Variants in ACAP2 observed in about 807,000 individuals in gnomAD.
ACAP2 encodes ArfGAP with coiled-coil, ankyrin repeat and PH domains 2.
In ACAP2, 39 loss-of-function variants were observed where a neutral mutation model predicts 115.8. The observed-to-expected ratio is 0.34, with a 90% CI of 0.26 to 0.44. ACAP2 has a LOEUF of 0.44. ACAP2 is among the 20% of genes least tolerant of loss of function. ACAP2 has a pLI of 1.00. For missense variants in ACAP2, 662 were observed against 927.6 expected (o/e 0.71, Z 3.72); for synonymous variants, 289 against 315.8 (o/e 0.92, Z 0.90).
intron 1 of ACAP2, among the ~76,000 whole-genome samples, chr3:195,436,044 G>C (rs1715512503): frequency 6.6e-6 from 1 of 151,432 alleles, no homozygotes; most frequent in Non-Finnish European, 1.5e-5. Context: ...TATATTTATA[G>C]TCATTATGTC....
intron 4 of ACAP2, among the ~76,000 whole-genome samples, chr3:195,355,793 AT>A (rs1731924694): frequency 6.6e-6 from 1 of 152,204 alleles, no homozygotes; most frequent in African/African-American, 2.4e-5. Flanking sequence ...CATTATCCCC[AT>A]TTCCAGTTCT....
intron 1 of ACAP2, among the ~76,000 whole-genome samples, chr3:195,395,328 G>A (rs1486073440): frequency 1.3e-5 from 2 of 151,982 alleles, no homozygotes; most frequent in East Asian, 3.9e-4. Flanking sequence ...GCAAAACAGA[G>A]AATAAGTAAT....
At chr3:195,299,273 G>A (rs748525095) in intron 15 of ACAP2, among the ~76,000 whole-genome samples, 3 of 152,010 alleles carry the variant, frequency 2.0e-5, no homozygotes, top group Non-Finnish European at 4.4e-5. Context: ...AGGTGGTTAC[G>A]GATTTGGAAA....
intron 7 of ACAP2, among the ~76,000 whole-genome samples, chr3:195,333,606 A>C (rs1730315708): frequency 6.6e-6 from 1 of 152,240 alleles, no homozygotes; most frequent in Admixed American, 6.5e-5. Flanking sequence ...GAAATTTCCC[A>C]GTGGTTTAAC....
intron 10 of ACAP2, among the ~76,000 whole-genome samples, chr3:195,319,742 G>C (rs1221249935): frequency 6.6e-6 from 1 of 152,164 alleles, no homozygotes; most frequent in East Asian, 1.9e-4. Context: ...ACAGACAGAA[G>C]GGACTTGCCT....
intron 1 of ACAP2, among the ~76,000 whole-genome samples, chr3:195,423,033 A>T (rs1023588482): frequency 1.3e-5 from 2 of 152,230 alleles, no homozygotes; most frequent in Non-Finnish European, 2.9e-5. Context: ...AATTAGTCAT[A>T]AAGGACATAA....
intron 1 of ACAP2, among the ~76,000 whole-genome samples, chr3:195,396,068 T>C (rs1429893414): frequency 6.6e-6 from 1 of 151,930 alleles, no homozygotes. Context: ...CCAGCCAACA[T>C]GGTGAAACCC....
chr3:195,381,092 A>C (rs1180859683), intron 3 of ACAP2, 30 bp from the exon 4 acceptor site: 2 of 1,564,428 alleles, frequency 1.3e-6, no homozygotes, highest in African/African-American at 2.8e-5. Context: ...AGAAAACCAA[A>C]TCATTTATGA....
rs528407571 is a variant in ACAP2 at position 195,280,137 on chromosome 3, G to A, written c.2237-709C>T. 3.7e-4 allele frequency among the ~76,000 whole-genome samples: 56 copies of A among 152,202 alleles called. 1 individual carries two copies. The South Asian group carries it at 0.012, about 32-fold the overall frequency. Reference sequence around the variant, plus strand: ...GTTCAAGACCAGTCTGGGCAACATAGCGAGACTACATCTCTACAAAAATTA... The same window carrying A: ...GTTCAAGACCAGTCTGGGCAACATAACGAGACTACATCTCTACAAAAATTA... On this transcript the variant is annotated intron_variant, in intron 22 of 22. Transcript: ENST00000326793.
At chr3:195,304,977 C>A (rs921150415) in intron 13 of ACAP2, among the ~76,000 whole-genome samples, 3 of 152,156 alleles carry the variant, frequency 2.0e-5, no homozygotes, top group Non-Finnish European at 4.4e-5. Context: ...GTACTGATGC[C>A]CAACTCCATT....
At chr3:195,338,000 G>A (rs1316581243) in intron 6 of ACAP2, among the ~76,000 whole-genome samples, 1 of 145,604 alleles carries the variant, frequency 6.9e-6, no homozygotes, top group East Asian at 2.3e-4. Flanking sequence ...TGCACTGGCT[G>A]TTCTGTGCAC....
intron 4 of ACAP2, among the ~76,000 whole-genome samples, chr3:195,363,512 C>T (rs1345210383): frequency 1.3e-5 from 2 of 151,856 alleles, no homozygotes; most frequent in South Asian, 2.1e-4. Flanking sequence ...CGTGGTGGCA[C>T]GCACCTGTGG....
At chr3:195,302,265 C>A in intron 13 of ACAP2, 91 bp from the exon 14 acceptor site, 1 of 1,214,262 alleles carries the variant, frequency 8.2e-7, no homozygotes, top group Non-Finnish European at 1.2e-6. Flanking sequence ...AGCTTCCAAT[C>A]AATAAATTAA....
chr3:195,432,469 G>A (rs1412990609), intron 1 of ACAP2, among the ~76,000 whole-genome samples: 1 of 152,172 alleles, frequency 6.6e-6, no homozygotes, highest in Non-Finnish European at 1.5e-5. Flanking sequence ...TGAATTGTCT[G>A]GGTACCTCTG....
chr3:195,340,320 T>C (rs537153695), intron 6 of ACAP2, among the ~76,000 whole-genome samples: 2 of 151,410 alleles, frequency 1.3e-5, no homozygotes, highest in East Asian at 1.9e-4. Context: ...CACCATTCAA[T>C]TAGATAAGGG....
intron 4 of ACAP2, among the ~76,000 whole-genome samples, chr3:195,361,006 C>T (rs1037640474): frequency 5.0e-5 from 7 of 138,682 alleles, no homozygotes; most frequent in Non-Finnish European, 6.2e-5. Context: ...AAAAAAAAAC[C>T]TGAAATAATA....
At chr3:195,292,505 A>T (rs1727327602) in intron 18 of ACAP2, 53 bp from the exon 19 acceptor site, 1 of 1,518,938 alleles carries the variant, frequency 6.6e-7, no homozygotes, top group East Asian at 2.3e-5. Flanking sequence ...GCAGAAAAAG[A>T]AAAAATTATT....
rs1025679013 is a variant in ACAP2 at position 195,442,764 on chromosome 3, C to A, written c.53+31G>T. On this transcript the variant is annotated intron_variant, in intron 1 of 22. Coordinates refer to ENST00000326793, the MANE Select transcript of ACAP2 (RefSeq NM_012287.6). ...GCCCCCAGCGCCGGGAAGGCAGCTC[C>A]GCGGTGACGCCGGGCGGCCGTGCCG... is the stretch of plus-strand genomic sequence containing the variant. The A allele has an allele frequency of 5.9e-6, 9 of 1,527,230 alleles. No homozygotes were observed. The African/African-American group carries it at 1.3e-4, about 22-fold the overall frequency. 94.6% of individuals were successfully genotyped at this position (1,527,230 alleles called of 1,614,324 possible).
chr3:195,418,392 CA>C (rs1417591904), intron 1 of ACAP2, among the ~76,000 whole-genome samples: 1 of 152,170 alleles, frequency 6.6e-6, no homozygotes, highest in African/African-American at 2.4e-5. Context: ...ATTAAAGCTG[CA>C]AAACCTAGCT....
Sources: gnomAD v4.1 joint callset for allele counts (sites outside exome capture counted in the v4.1 genomes callset) on GRCh38, gnomAD v4.1.1 for gene constraint, MANE v1.5 for transcripts, NCBI Gene and HGNC (gene_info 2026-07-23, HGNC 2026-07-21) for gene names.